SLIT3: variants seen among roughly 807,000 people sequenced by gnomAD.
The protein encoded by SLIT3 is slit homolog 3 protein.
A neutral mutation model predicts 184.0 loss-of-function variants in SLIT3; 68 were observed. The observed-to-expected ratio is 0.37, with a 90% confidence interval of 0.30 to 0.45. The LOEUF (loss-of-function observed/expected upper bound fraction) is 0.45. SLIT3 is among the 20% of genes least tolerant of loss of function. SLIT3 has a pLI of 1.00. For synonymous variants in SLIT3, 831 were observed against 828.6 expected (o/e 1.00, Z -0.05); for missense variants, 1,707 against 2,026.0 (o/e 0.84, Z 3.02).
At chr5:168,877,272 G>A (rs60198024) in intron 5 of SLIT3, among the ~76,000 whole-genome samples, 41,714 of 152,086 alleles carry the variant, frequency 0.27, 6,977 homozygotes, top group Non-Finnish European at 0.36. Flanking sequence ...CATTTGAGCC[G>A]GGATGTGAAG....
chr5:169,007,168 G>T (rs1187690405), intron 4 of SLIT3, among the ~76,000 whole-genome samples: 1 of 152,160 alleles, frequency 6.6e-6, no homozygotes, highest in Admixed American at 6.5e-5. Context: ...TGTGAAGAAG[G>T]TCCCTGCTTC....
intron 5 of SLIT3, among the ~76,000 whole-genome samples, chr5:168,852,731 C>T (rs1329737583): frequency 6.6e-6 from 1 of 152,182 alleles, no homozygotes; most frequent in East Asian, 1.9e-4. Flanking sequence ...TATTGGCTAC[C>T]TGTTTTTTTC....
intron 4 of SLIT3, among the ~76,000 whole-genome samples, chr5:168,993,848 G>T (rs1232944948): frequency 5.9e-5 from 9 of 152,214 alleles, no homozygotes; most frequent in Admixed American, 4.6e-4. Flanking sequence ...CCCCATTCTG[G>T]GGAAAGCCCT....
At chr5:168,923,068 G>A (rs556401707) in intron 4 of SLIT3, among the ~76,000 whole-genome samples, 2 of 152,236 alleles carry the variant, frequency 1.3e-5, no homozygotes, top group African/African-American at 2.4e-5. Flanking sequence ...GGAGCAGAGG[G>A]GACTTGTAGG....
chr5:168,737,610 A>T (rs1219420257), intron 20 of SLIT3, among the ~76,000 whole-genome samples: 1 of 152,200 alleles, frequency 6.6e-6, no homozygotes, highest in African/African-American at 2.4e-5. Flanking sequence ...ATATCAAGTT[A>T]TAGGACAACA....
chr5:168,936,579 C>T (rs901481305), intron 4 of SLIT3, among the ~76,000 whole-genome samples: 2 of 152,128 alleles, frequency 1.3e-5, no homozygotes, highest in Non-Finnish European at 1.5e-5. Context: ...TCCCAAGCAA[C>T]AGTCACCACT....
chr5:169,092,070 C>T (rs1360781369), intron 4 of SLIT3, among the ~76,000 whole-genome samples: 1 of 152,120 alleles, frequency 6.6e-6, no homozygotes, highest in African/African-American at 2.4e-5. Flanking sequence ...AAAAAATACA[C>T]AAATTAGCCA....
intron 5 of SLIT3, among the ~76,000 whole-genome samples, chr5:168,850,143 A>C (rs1340623691): frequency 6.6e-6 from 1 of 152,246 alleles, no homozygotes; most frequent in African/African-American, 2.4e-5. Flanking sequence ...TATACTTCAT[A>C]TAACTGAGTA....
At chr5:169,107,613 C>A (rs2113248578) in intron 4 of SLIT3, among the ~76,000 whole-genome samples, 1 of 152,334 alleles carries the variant, frequency 6.6e-6, no homozygotes, top group South Asian at 2.1e-4. Flanking sequence ...GAGGCCCCGG[C>A]CATGCTGGGA....
chr5:169,036,627 C>A (rs1218036586), intron 4 of SLIT3, among the ~76,000 whole-genome samples: 1 of 151,956 alleles, frequency 6.6e-6, no homozygotes, highest in East Asian at 1.9e-4. Context: ...GGCTGTGTAA[C>A]TCTATCCTCA....
At chr5:168,723,332 TCCTC>T (rs1763005830) in intron 21 of SLIT3, among the ~76,000 whole-genome samples, 1 of 145,312 alleles carries the variant, frequency 6.9e-6, no homozygotes, top group Non-Finnish European at 1.5e-5. Context: ...CACCCTCCCT[TCCTC>T]CCTCCCACCA....
chr5:169,232,655 T>G (rs1765046811), intron 3 of SLIT3, among the ~76,000 whole-genome samples: 1 of 152,208 alleles, frequency 6.6e-6, no homozygotes, highest in African/African-American at 2.4e-5. Flanking sequence ...CTAGCACAAT[T>G]TTTTAGACAG....
chr5:168,981,013 C>T (rs1323173152), intron 4 of SLIT3, among the ~76,000 whole-genome samples: 1 of 152,182 alleles, frequency 6.6e-6, no homozygotes, highest in East Asian at 1.9e-4. Context: ...TATACAAGTA[C>T]TGACTTAGAT....
chr5:168,840,077 G>GA (rs1423740946), intron 6 of SLIT3, among the ~76,000 whole-genome samples: 9 of 152,222 alleles, frequency 5.9e-5, no homozygotes, highest in Admixed American at 2.0e-4. Flanking sequence ...TAATGTCAGT[G>GA]AATTTCCAAA....
chr5:169,028,089 C>A (rs1274651898), intron 4 of SLIT3, among the ~76,000 whole-genome samples: 1 of 152,106 alleles, frequency 6.6e-6, no homozygotes. Flanking sequence ...TTAAGACACC[C>A]ACAAAAGACA....
chr5:169,023,191 C>A (rs368220070), intron 4 of SLIT3, among the ~76,000 whole-genome samples: 1 of 152,080 alleles, frequency 6.6e-6, no homozygotes, highest in African/African-American at 2.4e-5. Flanking sequence ...TAACTAGGTA[C>A]AATGCCAACA....
At chr5:169,111,365 T>C (rs1199246325) in intron 4 of SLIT3, among the ~76,000 whole-genome samples, 3 of 152,244 alleles carry the variant, frequency 2.0e-5, no homozygotes, top group Admixed American at 1.3e-4. Flanking sequence ...ATGATAAGTA[T>C]TTTTGGCTTT....
At chr5:168,824,189 T>C (rs1342517692) in intron 6 of SLIT3, among the ~76,000 whole-genome samples, 1 of 152,196 alleles carries the variant, frequency 6.6e-6, no homozygotes, top group Non-Finnish European at 1.5e-5. Flanking sequence ...CCACCCCGCC[T>C]TGGCCTCCCA....
At chr5:168,895,728 C>G (rs150919485) in intron 4 of SLIT3, among the ~76,000 whole-genome samples, 159 of 152,344 alleles carry the variant, frequency 1.0e-3, no homozygotes, top group African/African-American at 3.6e-3. Context: ...TAATAACTCA[C>G]ACCTGTGGAT....
Sources: allele counts gnomAD v4.1 joint callset (sites outside exome capture counted in the v4.1 genomes callset), GRCh38; gene constraint gnomAD v4.1.1; transcripts MANE v1.5; gene names NCBI Gene and HGNC (gene_info 2026-07-23, HGNC 2026-07-21).